SCLT1: variants seen among roughly 807,000 people sequenced by gnomAD.
SCLT1 encodes sodium channel-associated protein 1.
In SCLT1, 78 loss-of-function variants were observed where a neutral mutation model predicts 112.8. The ratio of observed to expected loss-of-function variants is 0.69; its 90% CI spans 0.58 to 0.83. The LOEUF is 0.83. SCLT1 is among the 40% of genes least tolerant of loss of function. The probability of loss-of-function intolerance (pLI) is 0.00; values close to 1 mark genes in which losing one functional copy is unlikely to be tolerated. For synonymous variants in SCLT1, 257 were observed against 254.7 expected, an observed-to-expected ratio of 1.01 and a Z score of -0.09; for missense variants, 747 against 770.4, an observed-to-expected ratio of 0.97 and a Z score of 0.36.
At chr4:128,939,148 G>A (rs560469677) in intron 17 of SCLT1, among the ~76,000 whole-genome samples, 1 of 152,258 alleles carries the variant, frequency 6.6e-6, no homozygotes, top group Admixed American at 6.5e-5. Context: ...CCTGGTCCCT[G>A]CTTACTTTTA....
intron 18 of SCLT1, among the ~76,000 whole-genome samples, chr4:128,905,107 A>G (rs1046883867): frequency 6.6e-6 from 1 of 152,184 alleles, no homozygotes; most frequent in African/African-American, 2.4e-5. Flanking sequence ...AAAAAAACTA[A>G]TAAGCATCTC....
chr4:128,946,597 G>A (rs1002106130), intron 15 of SCLT1, among the ~76,000 whole-genome samples: 1 of 152,068 alleles, frequency 6.6e-6, no homozygotes, highest in Non-Finnish European at 1.5e-5. Flanking sequence ...TATTTTTTTG[G>A]AATTATTCAT....
At chr4:129,086,348 T>C (rs1386319323) in intron 1 of SCLT1, among the ~76,000 whole-genome samples, 1 of 151,924 alleles carries the variant, frequency 6.6e-6, no homozygotes, top group Non-Finnish European at 1.5e-5. Flanking sequence ...CACACACACA[T>C]TCATTGTTAG....
At chr4:129,023,673 C>G (rs1439271212) in intron 5 of SCLT1, among the ~76,000 whole-genome samples, 3 of 152,108 alleles carry the variant, frequency 2.0e-5, no homozygotes, top group African/African-American at 7.2e-5. Context: ...CTAGGGGGTG[C>G]CAGACAGTGG....
chr4:129,030,144 G>A (rs149260258), intron 5 of SCLT1, among the ~76,000 whole-genome samples: 4,138 of 152,002 alleles, frequency 0.027, 185 homozygotes, highest in African/African-American at 0.09. Flanking sequence ...ATTAGAACTC[G>A]GGATTAAGAA....
At chr4:128,924,584 T>C (rs1330754344) in intron 18 of SCLT1, among the ~76,000 whole-genome samples, 1 of 151,618 alleles carries the variant, frequency 6.6e-6, no homozygotes, top group Non-Finnish European at 1.5e-5. Context: ...AAGTTTTTAA[T>C]TTAATATAGT....
intron 5 of SCLT1, among the ~76,000 whole-genome samples, chr4:129,014,973 G>T (rs1455489620): frequency 6.6e-6 from 1 of 152,086 alleles, no homozygotes. Context: ...AGGGGCACTG[G>T]TAGGCACAGG....
At position 129,009,468 on chromosome 4, in the gene SCLT1, C is replaced by T. The variant is rs193276461; in HGVS notation, c.291-5592G>A. 1.7e-3 allele frequency among the ~76,000 whole-genome samples: 258 copies of T among 151,050 alleles called. 2 individuals are homozygous for T. Among genetic ancestry groups the T allele is most frequent in the East Asian group, 0.016 (82 of 5,104 alleles). Reference sequence around the variant, plus strand: ...GGCGGAGCTTGCAGTGAGCTGAGATCGCGCCACTGCACTCCAGCCTGGGCG... The same window carrying T: ...GGCGGAGCTTGCAGTGAGCTGAGATTGCGCCACTGCACTCCAGCCTGGGCG... On this transcript the variant is annotated intron_variant, in intron 5 of 20. Transcript: ENST00000281142.
At chr4:129,022,854 C>T (rs558099767) in intron 5 of SCLT1, among the ~76,000 whole-genome samples, 2 of 152,170 alleles carry the variant, frequency 1.3e-5, no homozygotes, top group Admixed American at 6.5e-5. Context: ...TCAGATTTTC[C>T]AAGGTTGAAA....
At chr4:129,038,373 ACTTC>A (rs1465197097) in intron 5 of SCLT1, among the ~76,000 whole-genome samples, 1 of 152,186 alleles carries the variant, frequency 6.6e-6, no homozygotes, top group Non-Finnish European at 1.5e-5. Flanking sequence ...TAATCCAGCA[ACTTC>A]CTTCCTTGAA....
chr4:128,957,904 G>T (rs1451229234), intron 12 of SCLT1, among the ~76,000 whole-genome samples: 2 of 152,020 alleles, frequency 1.3e-5, no homozygotes, highest in African/African-American at 4.8e-5. Flanking sequence ...CTATCTCACT[G>T]ATCATTCCTC....
chr4:128,952,250 T>C (rs181842980), intron 14 of SCLT1: 126 of 431,314 alleles, frequency 2.9e-4, no homozygotes, highest in African/African-American at 2.4e-3. Context: ...TTCTCAATTC[T>C]TGAAAATTGT....
At chr4:129,037,339 T>C (rs1389957143) in intron 5 of SCLT1, 1 of 152,180 alleles carries the variant, frequency 6.6e-6, no homozygotes, top group Non-Finnish European at 1.5e-5. Flanking sequence ...CCCAGATGTC[T>C]TGCAGCTGAA....
intron 1 of SCLT1, among the ~76,000 whole-genome samples, chr4:129,083,186 G>GAAAAAAAAAAAAAAAAAAAAAA (rs10651058): frequency 1.2e-5 from 1 of 84,532 alleles, no homozygotes; most frequent in Non-Finnish European, 2.1e-5. Context: ...GTGAGACTCT[G>GAAAAAAAAAAAAAAAAAAAAAA]AAAAAAAAAA....
intron 1 of SCLT1, among the ~76,000 whole-genome samples, chr4:129,088,792 C>A (rs1561073902): frequency 6.6e-6 from 1 of 152,200 alleles, no homozygotes; most frequent in African/African-American, 2.4e-5. Flanking sequence ...GGAAAACTGG[C>A]TAGCCATATG....
chr4:128,946,269 T>C (rs907399305), intron 15 of SCLT1, 117 bp from the exon 16 acceptor site: 3 of 576,450 alleles, frequency 5.2e-6, no homozygotes, highest in Non-Finnish European at 8.7e-6. Context: ...TCATTTGTTC[T>C]GACCGTAACA....
chr4:128,987,438 G>A (rs1742197656), intron 9 of SCLT1, among the ~76,000 whole-genome samples: 1 of 152,132 alleles, frequency 6.6e-6, no homozygotes, highest in Admixed American at 6.5e-5. Context: ...TTTTGGGGAA[G>A]CTCAACAAAT....
intron 3 of SCLT1, among the ~76,000 whole-genome samples, chr4:128,877,729 C>A (rs532666549): frequency 8.1e-4 from 122 of 151,472 alleles, no homozygotes; most frequent in African/African-American, 2.8e-3. Flanking sequence ...TAGGACTACA[C>A]GTGTAAACTT....
chr4:128,985,091 A>G (rs1438556447), intron 9 of SCLT1, among the ~76,000 whole-genome samples: 2 of 152,124 alleles, frequency 1.3e-5, no homozygotes, highest in East Asian at 1.9e-4. Context: ...GGATGTAATT[A>G]TCACATTTTA....
Sources: allele counts gnomAD v4.1 joint callset (sites outside exome capture counted in the v4.1 genomes callset), GRCh38; gene constraint gnomAD v4.1.1; transcripts MANE v1.5; gene names NCBI Gene and HGNC (gene_info 2026-07-23, HGNC 2026-07-21).